Variants in TMEM94 observed in about 807,000 individuals in gnomAD.
TMEM94 encodes the protein ER Mg2+ ATPase.
A neutral mutation model predicts 158.6 loss-of-function variants in TMEM94; 81 were observed. The observed-to-expected ratio is 0.51, with a 90% CI of 0.43 to 0.61. TMEM94 has a LOEUF of 0.61. Ranked by LOEUF, TMEM94 falls within the 20% of genes least tolerant of loss-of-function variation. The probability of loss-of-function intolerance (pLI) is 0.00; values close to 1 mark genes in which losing one functional copy is unlikely to be tolerated. For synonymous variants in TMEM94, 751 were observed against 730.7 expected, an observed-to-expected ratio of 1.03 and a Z score of -0.45; for missense variants, 1,435 against 1,762.0, an observed-to-expected ratio of 0.81 and a Z score of 3.32.
At chr17:75,471,600 C>T (rs1024130568) in intron 1 of TMEM94, among the ~76,000 whole-genome samples, 200 bp from the exon 2 acceptor site, 1 of 151,998 alleles carries the variant, frequency 6.6e-6, no homozygotes, top group Middle Eastern at 3.4e-3. Context: ...GCACGCCTGT[C>T]ATCCCAGCTA....
chr17:75,478,677 G>C (rs989715462), intron 2 of TMEM94, among the ~76,000 whole-genome samples: 1 of 152,212 alleles, frequency 6.6e-6, no homozygotes, highest in African/African-American at 2.4e-5. Context: ...TTTGTTGCCT[G>C]CCTCTCCCGA....
rs900001618 is a variant in TMEM94 at position 75,492,079 on chromosome 17, G to C, written c.1596+179G>C. Reference sequence around the variant, plus strand: ...CCCCAAGTCTGCTGCGAAGTAGGTGGAGCCTCCCCCTACCCTTCCATTCTT... The same window carrying C: ...CCCCAAGTCTGCTGCGAAGTAGGTGCAGCCTCCCCCTACCCTTCCATTCTT... On this transcript the variant is annotated intron_variant, in intron 14 of 31. Transcript: ENST00000314256. This position sits in a 1 kb window ranked among gnomAD's most constrained non-coding sequence, Gnocchi z 4.4. 1.3e-6 allele frequency: 1 copy of C among 784,858 alleles called. No individual in the cohort carries two copies. The highest frequency in any genetic ancestry group is 2.0e-6 in the Non-Finnish European group (1 of 499,000). 48.6% of individuals were successfully genotyped at this position (784,858 alleles called of 1,614,324 possible).
chr17:75,490,779 G>A lies in TMEM94; in HGVS notation c.1128+21G>A, dbSNP rs754451808. On this transcript the variant is annotated intron_variant, in intron 11 of 31. Coordinates refer to ENST00000314256, the MANE Select transcript of TMEM94 (RefSeq NM_014738.6). ...CTCAGGTACAACACTGACCCGGGAT[G>A]GCTTCTCTCGCAGGTCCCTAGAGCC... 5 of 1,608,652 alleles carry A rather than the reference G, an allele frequency of 3.1e-6. No homozygotes were observed. In the African/African-American group the frequency reaches 6.7e-5, roughly 22 times the overall value.
chr17:75,461,093 C>CTTTT lies in TMEM94; in HGVS notation c.-107+4362_-107+4365dup, dbSNP rs59878082. On this transcript the variant is annotated intron_variant, in intron 1 of 31. Coordinates refer to ENST00000314256, the MANE Select transcript of TMEM94 (RefSeq NM_014738.6). ...ACAACATTTGTCCTTTTGCGATTGG[C>CTTTT]TTTTTTTTTTTTTTTTTTTTTTTGA... Among the ~76,000 whole-genome samples the CTTTT allele has an allele frequency of 4.5e-4, 31 of 69,654 alleles. 1 individual carries two copies. Among genetic ancestry groups the CTTTT allele is most frequent in the African/African-American group, 8.8e-4 (16 of 18,198 alleles). 45.7% of individuals were successfully genotyped at this position (69,654 alleles called of 152,430 possible).
In TMEM94 at chr17:75,497,233, C is replaced by T. The variant is rs766492250; in HGVS notation, c.3407+35C>T. 1.2e-5 allele frequency: 18 copies of T among 1,547,070 alleles called. No individual in the cohort carries two copies. The Middle Eastern group carries it at 5.0e-4, about 43-fold the overall frequency. On this transcript the variant is annotated intron_variant, in intron 26 of 31. Coordinates refer to ENST00000314256, the MANE Select transcript of TMEM94 (RefSeq NM_014738.6). ...CATGTATCTTCCCCACACCCCATGC[C>T]TAAGCAGGAGGTGTCTGGATGTCAC...
In TMEM94 at chr17:75,489,122, G is replaced by A. The variant is rs1322759244; in HGVS notation, c.765-144G>A. 7.3e-5 allele frequency: 67 copies of A among 923,678 alleles called. 1 individual carries two copies. In the East Asian group the frequency reaches 1.7e-3, roughly 23 times the overall value. The allele number at this position is 923,678 out of a possible 1,614,324, so 57.2% of individuals were successfully genotyped here. On this transcript the variant is annotated intron_variant, in intron 7 of 31. Coordinates refer to ENST00000314256, the MANE Select transcript of TMEM94 (RefSeq NM_014738.6). The surrounding 1 kb of genome is among the most constrained non-coding windows in gnomAD (Gnocchi z 5.0). The stretch of plus-strand genomic sequence containing the variant: ...AGGGGACAGCTCTGGAGGTGAACAC[G>A]GGCTAGGGCCAGGGCAGAGCGTGGA...
At chr17:75,479,414 G>A (rs1411922157) in intron 2 of TMEM94, among the ~76,000 whole-genome samples, 1 of 152,046 alleles carries the variant, frequency 6.6e-6, no homozygotes, top group East Asian at 1.9e-4. Context: ...CCGCCTCCTG[G>A]GTTCAAGCGA....
chr17:75,472,055 C>A, intron 2 of TMEM94, 126 bp downstream of exon 2: 1 of 903,960 alleles, frequency 1.1e-6, no homozygotes, highest in African/African-American at 1.6e-5. Context: ...GGAGGCAAGG[C>A]TCTGAGTCTT....
At chr17:75,486,231 G>T in intron 4 of TMEM94, 59 bp from the exon 5 acceptor site, 1 of 1,605,316 alleles carries the variant, frequency 6.2e-7, no homozygotes, top group Non-Finnish European at 8.5e-7. Context: ...TGGCCTGGGG[G>T]CTGCTGGGTG....
At chr17:75,472,253 T>C (rs1005722066) in intron 2 of TMEM94, among the ~76,000 whole-genome samples, 2 of 152,232 alleles carry the variant, frequency 1.3e-5, no homozygotes, top group Non-Finnish European at 2.9e-5. Context: ...GCTAGGGCGA[T>C]GTCCTAACCT....
In TMEM94 at chr17:75,456,976, GGATTGGTCCATTGT is replaced by G; in HGVS notation, c.-107+227_-107+240del. Among the ~76,000 whole-genome samples the G allele has an allele frequency of 2.0e-5, 3 of 152,316 alleles. No individual in the cohort carries two copies. In the East Asian group the frequency reaches 5.8e-4, roughly 29 times the overall value. On this transcript the variant is annotated intron_variant, in intron 1 of 31. Coordinates refer to ENST00000314256, the MANE Select transcript of TMEM94 (RefSeq NM_014738.6). ...TCTTCAGACTCTTGCTCTCAGCCCTGGATTGGTCCATTGTGGGGTCTCTCGCCAGAAATAAAGCC... is the reference window on the plus strand; with the variant it reads ...TCTTCAGACTCTTGCTCTCAGCCCTGGGGGTCTCTCGCCAGAAATAAAGCC...
chr17:75,471,610 A>G (rs998348220), intron 1 of TMEM94, among the ~76,000 whole-genome samples, 190 bp from the exon 2 acceptor site: 3 of 151,678 alleles, frequency 2.0e-5, no homozygotes, highest in Non-Finnish European at 2.9e-5. Flanking sequence ...CATCCCAGCT[A>G]CTCGGAAGCA....
At chr17:75,465,112 G>A (rs1471032842) in intron 1 of TMEM94, among the ~76,000 whole-genome samples, 7 of 152,072 alleles carry the variant, frequency 4.6e-5, no homozygotes, top group Non-Finnish European at 5.9e-5. Flanking sequence ...ATCCTCCTGC[G>A]TCAGCCATAT....
intron 16 of TMEM94, 98 bp from the exon 17 acceptor site, chr17:75,493,393 C>T: frequency 4.0e-6 from 5 of 1,235,018 alleles, no homozygotes; most frequent in African/African-American, 1.5e-5. Context: ...CTGGCAGGGG[C>T]TCCTCAGCGC....
Position 75,496,610 on chromosome 17 carries a change from G to A in TMEM94, c.3244-120G>A, listed in dbSNP as rs530158253. ...CGGGCTCTCCCAGGCAGTTACATTC[G>A]CCTCTGCTCCCCTCGTAGAAGCATC... On this transcript the variant is annotated intron_variant, in intron 24 of 31. Coordinates refer to ENST00000314256, the MANE Select transcript of TMEM94 (RefSeq NM_014738.6). The A allele has an allele frequency of 7.4e-5, 102 of 1,379,306 alleles. 1 individual carries two copies. The Admixed American group carries it at 9.9e-4, about 13-fold the overall frequency. The allele number at this position is 1,379,306 out of a possible 1,614,324, so 85.4% of individuals were successfully genotyped here.
chr17:75,498,839 A>T lies in TMEM94; in HGVS notation c.3828-73A>T. 2 of 1,521,464 alleles carry T rather than the reference A, an allele frequency of 1.3e-6. No individual in the cohort carries two copies. The highest frequency in any genetic ancestry group is 1.8e-6 in the Non-Finnish European group (2 of 1,134,100). The allele number at this position is 1,521,464 out of a possible 1,614,324, so 94.2% of individuals were successfully genotyped here. ...GGTTTAACTGTACCCTGCCTGAGCT[A>T]ACTGTTGTACTGGGAAGAGCAGGGA... On this transcript the variant is annotated intron_variant, in intron 30 of 31. Transcript: ENST00000314256. This position sits in a 1 kb window ranked among gnomAD's most constrained non-coding sequence, Gnocchi z 6.7.
rs375466750 is a variant in TMEM94 at position 75,495,061 on chromosome 17, C to T, written c.2728+27C>T. The T allele has an allele frequency of 4.3e-4, 263 of 606,912 alleles. 1 individual carries two copies. The highest frequency in any genetic ancestry group is 9.9e-4 in the South Asian group (71 of 71,680). 37.6% of individuals were successfully genotyped at this position (606,912 alleles called of 1,614,324 possible). A position where few individuals can be genotyped will look rare whatever the true frequency, so the allele number is the denominator to read the frequency against. On this transcript the variant is annotated intron_variant, in intron 20 of 31. Transcript: ENST00000314256. The surrounding 1 kb of genome is among the most constrained non-coding windows in gnomAD (Gnocchi z 5.6). Reference sequence around the variant, plus strand: ...TAAGGGCAAAGGCGTGGGGTGGGGACGGGGTGGCGGTGGGAGGATTCCCCT... The same window carrying T: ...TAAGGGCAAAGGCGTGGGGTGGGGATGGGGTGGCGGTGGGAGGATTCCCCT...
chr17:75,478,559 T>C (rs1488182007), intron 2 of TMEM94, among the ~76,000 whole-genome samples: 1 of 151,982 alleles, frequency 6.6e-6, no homozygotes, highest in Non-Finnish European at 1.5e-5. Context: ...GTGGTTCTGA[T>C]TTGATGGATA....
intron 2 of TMEM94, 49 bp downstream of exon 2, chr17:75,471,978 G>T: frequency 1.3e-6 from 2 of 1,596,550 alleles, no homozygotes; most frequent in South Asian, 2.2e-5. Context: ...TGTCTCTGTT[G>T]AACTCTTTCC....
Sources: gnomAD v4.1 joint callset for allele counts (sites outside exome capture counted in the v4.1 genomes callset) on GRCh38, gnomAD v4.1.1 for gene constraint, Gnocchi (gnomAD v3.1) non-coding constraint, MANE v1.5 for transcripts, NCBI Gene and HGNC (gene_info 2026-07-23, HGNC 2026-07-21) for gene names.